Variants in CACNA1C observed in about 807,000 individuals in gnomAD.
CACNA1C encodes the protein calcium voltage-gated channel subunit alpha1 C, also known as voltage-dependent L-type calcium channel subunit alpha-1C.
In CACNA1C, 30 loss-of-function variants were observed where a neutral mutation model predicts 229.0. The observed-to-expected ratio is 0.13, with a 90% confidence interval of 0.10 to 0.18. The LOEUF (loss-of-function observed/expected upper bound fraction) is 0.18, where lower values mean the gene tolerates loss of function less well. Ranked by LOEUF, CACNA1C falls within the 10% of genes least tolerant of loss-of-function variation. The pLI is 1.00. For missense variants in CACNA1C, 1,658 were observed against 2,845.0 expected, an observed-to-expected ratio of 0.58 and a Z score of 9.49; for synonymous variants, 1,114 against 1,132.5, an observed-to-expected ratio of 0.98 and a Z score of 0.33.
chr12:2,180,422 C>A (rs537596532), intron 3 of CACNA1C, among the ~76,000 whole-genome samples: 4 of 152,142 alleles, frequency 2.6e-5, no homozygotes, highest in Non-Finnish European at 1.5e-5. Context: ...TTGGAGGAAG[C>A]GAAATGTCCC....
At chr12:2,191,986 ACG>A (rs1425910724) in intron 3 of CACNA1C, among the ~76,000 whole-genome samples, 2 of 152,160 alleles carry the variant, frequency 1.3e-5, no homozygotes, top group East Asian at 3.9e-4. Flanking sequence ...GTGTACACGC[ACG>A]CACACATGTA....
chr12:2,393,590 A>C (rs948309036), intron 3 of CACNA1C, among the ~76,000 whole-genome samples: 17 of 152,362 alleles, frequency 1.1e-4, no homozygotes, highest in African/African-American at 4.1e-4. Flanking sequence ...TCTAGTCTGC[A>C]AAAGAGGATA....
intron 1 of CACNA1C, among the ~76,000 whole-genome samples, chr12:2,100,926 G>C (rs1315722686): frequency 6.6e-6 from 1 of 150,602 alleles, no homozygotes; most frequent in East Asian, 2.0e-4. Context: ...ACCTGAGTCT[G>C]GGGGAGTCGT....
At chr12:2,423,973 G>A (rs181045590) in intron 3 of CACNA1C, among the ~76,000 whole-genome samples, 5 of 152,238 alleles carry the variant, frequency 3.3e-5, no homozygotes, top group African/African-American at 9.6e-5. Context: ...GGACAAGCTC[G>A]TGCTCCCTCC....
chr12:2,296,837 C>T (rs1361344720), intron 3 of CACNA1C, among the ~76,000 whole-genome samples: 1 of 152,214 alleles, frequency 6.6e-6, no homozygotes, highest in Non-Finnish European at 1.5e-5. Flanking sequence ...GAGATTTCAC[C>T]ATTCTAGCTT....
intron 3 of CACNA1C, among the ~76,000 whole-genome samples, chr12:2,180,901 G>A (rs753089920): frequency 1.7e-4 from 26 of 152,302 alleles, no homozygotes; most frequent in Non-Finnish European, 3.4e-4. Context: ...CTGCAGCCAC[G>A]CATCCTGCCC....
intron 7 of CACNA1C, among the ~76,000 whole-genome samples, chr12:2,496,814 G>A (rs2099747739): frequency 6.6e-6 from 1 of 152,130 alleles, no homozygotes; most frequent in Non-Finnish European, 1.5e-5. Context: ...TGGATACCGG[G>A]GATTTGGAAA....
chr12:2,650,690 G>A (rs770305121), intron 31 of CACNA1C, among the ~76,000 whole-genome samples: 1 of 152,154 alleles, frequency 6.6e-6, no homozygotes, highest in Non-Finnish European at 1.5e-5. Flanking sequence ...CCCTGGCCAG[G>A]CATGTGCCCA....
chr12:2,529,946 T>C (rs756633954), intron 9 of CACNA1C, among the ~76,000 whole-genome samples: 1 of 152,256 alleles, frequency 6.6e-6, no homozygotes, highest in South Asian at 2.1e-4. Context: ...ATTTAAGGCT[T>C]GAAAGGTCAA....
In CACNA1C at chr12:2,649,440, C is replaced by T. The variant is rs1407126636; in HGVS notation, c.3945+933C>T. On this transcript the variant is annotated intron_variant, in intron 31 of 46. Coordinates refer to ENST00000399655, the MANE Select transcript of CACNA1C (RefSeq NM_000719.7). This position sits in a 1 kb window ranked among gnomAD's most constrained non-coding sequence, Gnocchi z 4.4. ...GCGCTGCCTGGCCACAAGGCTGCCA[C>T]AGGAAAGGCTGAGCCCGGGTGCTCT... 2.0e-5 allele frequency among the ~76,000 whole-genome samples: 3 copies of T among 152,242 alleles called. No homozygotes were observed. Among genetic ancestry groups the T allele is most frequent in the African/African-American group, 7.2e-5 (3 of 41,462 alleles).
intron 1 of CACNA1C, among the ~76,000 whole-genome samples, chr12:2,025,735 A>T (rs727527): frequency 0.29 from 43,965 of 151,954 alleles, 7,047 homozygotes; most frequent in East Asian, 0.68. Context: ...ATTCTCCCCA[A>T]ATTTCTTTCA....
chr12:2,134,181 A>AT (rs1469416157), intron 3 of CACNA1C, among the ~76,000 whole-genome samples: 11 of 70,798 alleles, frequency 1.6e-4, no homozygotes, highest in Non-Finnish European at 3.3e-4. Context: ...CCATCCTTTT[A>AT]TTTTGAGCCT....
intron 3 of CACNA1C, among the ~76,000 whole-genome samples, chr12:2,277,374 C>G (rs954259431): frequency 0.01 from 754 of 72,192 alleles, 5 homozygotes; most frequent in African/African-American, 0.031. Context: ...CACACACACA[C>G]ACACACACAC....
chr12:2,677,558 A>G lies in CACNA1C; in HGVS notation c.4957-175A>G, dbSNP rs2096886896. On this transcript the variant is annotated intron_variant, in intron 40 of 46. Transcript: ENST00000399655. The surrounding 1 kb of genome is among the most constrained non-coding windows in gnomAD (Gnocchi z 7.4). ...CCTGGATGGGCGAGTGGATTGTTCC[A>G]TCAGAGGGCAGCCCAGCCCCCAGTT... 4.2e-6 allele frequency: 3 copies of G among 721,592 alleles called. No homozygotes were observed. Among genetic ancestry groups the G allele is most frequent in the South Asian group, 3.7e-5 (2 of 54,242 alleles). 44.7% of individuals were successfully genotyped at this position (721,592 alleles called of 1,614,324 possible).
chr12:2,276,222 A>G (rs55758211), intron 3 of CACNA1C, among the ~76,000 whole-genome samples: 1 of 152,194 alleles, frequency 6.6e-6, no homozygotes, highest in South Asian at 2.1e-4. Context: ...GGTTGGCTCC[A>G]GGTCTGGGAT....
intron 1 of CACNA1C, among the ~76,000 whole-genome samples, chr12:2,099,738 A>G (rs1374153554): frequency 6.6e-6 from 1 of 151,810 alleles, no homozygotes; most frequent in African/African-American, 2.4e-5. Flanking sequence ...TTGCCCAGCC[A>G]CGGACAGTCC....
chr12:2,023,243 A>G (rs769303442), intron 1 of CACNA1C, among the ~76,000 whole-genome samples: 1 of 152,140 alleles, frequency 6.6e-6, no homozygotes, highest in Non-Finnish European at 1.5e-5. Context: ...CCCATTCTCT[A>G]TTCTGTGGCT....
At chr12:2,291,621 C>T (rs947547879) in intron 3 of CACNA1C, among the ~76,000 whole-genome samples, 25 of 152,304 alleles carry the variant, frequency 1.6e-4, no homozygotes, top group Admixed American at 1.2e-3. Flanking sequence ...CAGTGGAGGG[C>T]GCAGGATTTG....
At position 2,211,983 on chromosome 12, in the gene CACNA1C, C is replaced by T. The variant is rs192727789; in HGVS notation, c.477+91553C>T. ...TGATCCACCCGCCTCAGCCTCCCAA[C>T]GTGCTGGGATTATAGGCATGAGCCA... On this transcript the variant is annotated intron_variant, in intron 3 of 46. Coordinates refer to ENST00000399655, the MANE Select transcript of CACNA1C (RefSeq NM_000719.7). 3.8e-3 allele frequency among the ~76,000 whole-genome samples: 575 copies of T among 152,124 alleles called. 5 individuals are homozygous for T. The highest frequency in any genetic ancestry group is 0.013 in the African/African-American group (531 of 41,488).
Sources: gnomAD v4.1 joint callset for allele counts (sites outside exome capture counted in the v4.1 genomes callset) on GRCh38, gnomAD v4.1.1 for gene constraint, Gnocchi (gnomAD v3.1) non-coding constraint, MANE v1.5 for transcripts, NCBI Gene and HGNC (gene_info 2026-07-23, HGNC 2026-07-21) for gene names.